RAB14: variants seen among roughly 807,000 people sequenced by gnomAD.
The protein encoded by RAB14 is ras-related protein Rab-14.
Under a neutral mutation model 31.1 loss-of-function variants are expected in RAB14, and 3 were observed. The ratio of observed to expected loss-of-function variants is 0.10; its 90% CI spans 0.04 to 0.25. The LOEUF is 0.25. Among genes scored for constraint, RAB14 ranks in the 10% least tolerant of loss-of-function variants. RAB14 has a pLI of 1.00. For missense variants in RAB14, 111 were observed against 260.1 expected (o/e 0.43, Z 3.94); for synonymous variants, 85 against 84.9 (o/e 1.00, Z 0.00).
chr9:121,192,158 G>A lies in RAB14; in HGVS notation c.106+13C>T, dbSNP rs760868759. The A allele has an allele frequency of 6.5e-7, 1 of 1,546,820 alleles. No homozygotes were observed. The highest frequency in any genetic ancestry group is 8.9e-7 in the Non-Finnish European group (1 of 1,123,706). On this transcript the variant is annotated intron_variant, in intron 3 of 7. Transcript: ENST00000373840. ...AGAAAACTATTAATGTTTACCTCAT[G>A]TATTGAACTTACATTTTTTTTCTGT... is the stretch of plus-strand genomic sequence containing the variant.
chr9:121,187,788 C>G (rs2053665738), intron 4 of RAB14, among the ~76,000 whole-genome samples: 1 of 151,872 alleles, frequency 6.6e-6, no homozygotes, highest in Non-Finnish European at 1.5e-5. Context: ...CCAAAGGGGT[C>G]AAAGATAATA....
chr9:121,192,240 G>A lies in RAB14; in HGVS notation c.53-16C>T. The A allele has an allele frequency of 6.4e-7, 1 of 1,573,202 alleles. No individual in the cohort carries two copies. The highest frequency in any genetic ancestry group is 2.3e-5 in the East Asian group (1 of 44,044). The stretch of plus-strand genomic sequence containing the variant: ...CCCATGTCCCCTGTTTAAAAAAAAA[G>A]AAGTTTCAGGTGGCAATTACATTTC... On this transcript the variant is annotated splice_polypyrimidine_tract_variant and intron_variant, in intron 2 of 7. Transcript: ENST00000373840.
intron 1 of RAB14, among the ~76,000 whole-genome samples, chr9:121,199,747 G>A (rs2053743984): frequency 6.6e-6 from 1 of 152,038 alleles, no homozygotes; most frequent in African/African-American, 2.4e-5. Flanking sequence ...ATTTATTGAG[G>A]GCCTAACACA....
intron 5 of RAB14, among the ~76,000 whole-genome samples, 192 bp downstream of exon 5, chr9:121,186,761 A>C (rs894926952): frequency 6.6e-6 from 1 of 152,154 alleles, no homozygotes; most frequent in African/African-American, 2.4e-5. Flanking sequence ...ACCTAGGTAT[A>C]ATAAAATGCA....
chr9:121,197,333 T>TA (rs894685116), intron 1 of RAB14, among the ~76,000 whole-genome samples: 2 of 152,166 alleles, frequency 1.3e-5, no homozygotes, highest in African/African-American at 2.4e-5. Flanking sequence ...TTTTCACCAC[T>TA]GGGGAAACAT....
At chr9:121,201,457 C>G (rs996818178) in intron 1 of RAB14, among the ~76,000 whole-genome samples, 182 bp downstream of exon 1, 6 of 152,050 alleles carry the variant, frequency 3.9e-5, no homozygotes, top group African/African-American at 1.4e-4. Context: ...GCCCAGGAGT[C>G]CTGTCAGGCC....
chr9:121,199,489 T>C (rs912569962), intron 1 of RAB14, among the ~76,000 whole-genome samples: 6 of 152,214 alleles, frequency 3.9e-5, no homozygotes, highest in African/African-American at 1.4e-4. Flanking sequence ...TAGCCCAAGT[T>C]TTCACATTTT....
intron 2 of RAB14, among the ~76,000 whole-genome samples, chr9:121,193,022 G>T (rs1184532811): frequency 6.6e-6 from 1 of 152,006 alleles, no homozygotes; most frequent in African/African-American, 2.4e-5. Flanking sequence ...CCTTATAACA[G>T]AAACCCAGGG....
chr9:121,200,834 G>A (rs920801153), intron 1 of RAB14, among the ~76,000 whole-genome samples: 1 of 152,176 alleles, frequency 6.6e-6, no homozygotes, highest in Non-Finnish European at 1.5e-5. Flanking sequence ...CGAGGGCTAC[G>A]CGGGGCAAGA....
chr9:121,190,548 T>G lies in RAB14; in HGVS notation c.284+6A>C. The G allele has an allele frequency of 6.4e-7, 1 of 1,572,642 alleles. No individual in the cohort carries two copies. The highest frequency in any genetic ancestry group is 8.6e-7 in the Non-Finnish European group (1 of 1,158,568). On this transcript the variant is annotated splice_donor_region_variant and intron_variant, in intron 4 of 7. Transcript: ENST00000373840. The stretch of plus-strand genomic sequence containing the variant: ...CCCATATGAAGGTTGAAAAATTATC[T>G]CTTACCTAGTGATATCATAGACCAT...
At chr9:121,188,216 C>A (rs148936443) in intron 4 of RAB14, among the ~76,000 whole-genome samples, 125 of 151,886 alleles carry the variant, frequency 8.2e-4, no homozygotes, top group African/African-American at 2.8e-3. Context: ...TTTTAAAAAG[C>A]ACAAGCCTTA....
rs1052991344 is a variant in RAB14 at position 121,180,618 on chromosome 9, C to T, written c.*778G>A. ...GTGAAATGGAAGGGAGTAACATGGT[C>T]ACATATAGGTCATACTGTACAAACT... On this transcript the variant is annotated 3_prime_UTR_variant, in exon 8 of 8. Coordinates refer to ENST00000373840, the MANE Select transcript of RAB14 (RefSeq NM_016322.4). 2.0e-5 allele frequency: 3 copies of T among 152,584 alleles called. No homozygotes were observed. The highest frequency in any genetic ancestry group is 7.2e-5 in the African/African-American group (3 of 41,424). The allele number at this position is 152,584 out of a possible 1,614,324, so 9.5% of individuals were successfully genotyped here.
At chr9:121,188,394 C>A (rs145683067) in intron 4 of RAB14, among the ~76,000 whole-genome samples, 1 of 151,858 alleles carries the variant, frequency 6.6e-6, no homozygotes, top group East Asian at 1.9e-4. Flanking sequence ...AAGCCTAGTA[C>A]CAAAATCATA....
chr9:121,181,652 A>T, intron 7 of RAB14, 79 bp from the exon 8 acceptor site: 1 of 1,177,238 alleles, frequency 8.5e-7, no homozygotes, highest in Non-Finnish European at 1.2e-6. Context: ...GCTAATCTTT[A>T]GTTAACTGCC....
At position 121,181,230 on chromosome 9, in the gene RAB14, G is replaced by C; in HGVS notation, c.*166C>G. 3.2e-6 allele frequency: 2 copies of C among 631,296 alleles called. No individual in the cohort carries two copies. The highest frequency in any genetic ancestry group is 4.9e-6 in the Non-Finnish European group (2 of 411,108). 39.1% of individuals were successfully genotyped at this position (631,296 alleles called of 1,614,324 possible). A position where few individuals can be genotyped will look rare whatever the true frequency, so the allele number is the denominator to read the frequency against. On this transcript the variant is annotated 3_prime_UTR_variant, in exon 8 of 8. Transcript: ENST00000373840. ...GCCTTTGATAACCTGATTACATCTA[G>C]TTGTTTAGCAGTTTAGTATTGTGTT...
At chr9:121,191,936 ATTATT>A (rs2132026582) in intron 3 of RAB14, among the ~76,000 whole-genome samples, 1 of 152,276 alleles carries the variant, frequency 6.6e-6, no homozygotes, top group East Asian at 1.9e-4. Flanking sequence ...ATTTTTAAAA[ATTATT>A]TTAACATCAA....
chr9:121,198,020 AACACACAC>A (rs58467154), intron 1 of RAB14, among the ~76,000 whole-genome samples: 5 of 149,858 alleles, frequency 3.3e-5, no homozygotes, highest in South Asian at 2.1e-4. Context: ...CCCACTTTCA[AACACACAC>A]ACACACACAC....
chr9:121,201,190 C>T (rs772990519), intron 1 of RAB14, among the ~76,000 whole-genome samples: 1 of 152,294 alleles, frequency 6.6e-6, no homozygotes, highest in South Asian at 2.1e-4. Flanking sequence ...GCCTACGGGA[C>T]GGGACCGCCA....
intron 4 of RAB14, among the ~76,000 whole-genome samples, 178 bp downstream of exon 4, chr9:121,190,376 T>C (rs10760157): frequency 0.7 from 105,857 of 151,914 alleles, 37,381 homozygotes; most frequent in East Asian, 0.96. Flanking sequence ...TAAAAACTTT[T>C]GGAAAATATC....
Sources: allele counts gnomAD v4.1 joint callset (sites outside exome capture counted in the v4.1 genomes callset), GRCh38; gene constraint gnomAD v4.1.1; transcripts MANE v1.5; gene names NCBI Gene and HGNC (gene_info 2026-07-23, HGNC 2026-07-21).